CENPE: variants seen among roughly 807,000 people sequenced by gnomAD.
The protein encoded by CENPE is centromere protein E, also known as centromere-associated protein E.
Under a neutral mutation model 336.1 loss-of-function variants are expected in CENPE, and 145 were observed. The observed-to-expected ratio is 0.43, with a 90% CI of 0.38 to 0.50. The LOEUF is 0.50. Among genes scored for constraint, CENPE ranks in the 20% least tolerant of loss-of-function variants. CENPE has a pLI of 0.00. For missense variants in CENPE, 2,719 were observed against 3,023.3 expected (o/e 0.90, Z 2.36); for synonymous variants, 1,013 against 984.8 (o/e 1.03, Z -0.54).
At position 103,140,629 on chromosome 4, in the gene CENPE, C is replaced by T. The variant is rs565446771; in HGVS notation, c.5754+185G>A. Among the ~76,000 whole-genome samples the T allele has an allele frequency of 7.2e-5, 11 of 152,210 alleles. No individual in the cohort carries two copies. The South Asian group carries it at 2.3e-3, about 32-fold the overall frequency. Reference sequence around the variant, plus strand: ...ATACCACTTGGACATCTTTCTAAATCAATATCACAAAAAGAATACCCCATT... The same window carrying T: ...ATACCACTTGGACATCTTTCTAAATTAATATCACAAAAAGAATACCCCATT... On this transcript the variant is annotated intron_variant, in intron 36 of 48. Coordinates refer to ENST00000265148, the MANE Select transcript of CENPE (RefSeq NM_001813.3).
intron 8 of CENPE, among the ~76,000 whole-genome samples, chr4:103,188,255 A>G (rs1266222583): frequency 5.9e-5 from 9 of 152,100 alleles, no homozygotes; most frequent in Non-Finnish European, 1.3e-4. Context: ...AAGTTAACAA[A>G]GATATCCAGG....
At chr4:103,169,385 C>G (rs888008473) in intron 16 of CENPE, among the ~76,000 whole-genome samples, 7 of 152,054 alleles carry the variant, frequency 4.6e-5, no homozygotes, top group Admixed American at 3.3e-4. Flanking sequence ...AGAAAATTCC[C>G]AAACCTGAAG....
intron 16 of CENPE, among the ~76,000 whole-genome samples, chr4:103,171,292 A>G (rs1292044158): frequency 6.6e-6 from 1 of 152,166 alleles, no homozygotes; most frequent in African/African-American, 2.4e-5. Flanking sequence ...ACAGTCTTAA[A>G]AAATTTAAAA....
At chr4:103,177,445 G>T (rs1755966305) in intron 13 of CENPE, among the ~76,000 whole-genome samples, 2 of 151,678 alleles carry the variant, frequency 1.3e-5, no homozygotes, top group South Asian at 2.1e-4. Flanking sequence ...CTCTTTACTG[G>T]GTGCAAGTAT....
chr4:103,181,513 A>G (rs900458643), intron 11 of CENPE, 57 bp from the exon 12 acceptor site: 3 of 1,407,302 alleles, frequency 2.1e-6, no homozygotes, highest in East Asian at 5.4e-5. Context: ...TTCGAATTTA[A>G]TTAATAATAT....
At chr4:103,174,320 T>C (rs1755671169) in intron 16 of CENPE, among the ~76,000 whole-genome samples, 1 of 151,982 alleles carries the variant, frequency 6.6e-6, no homozygotes, top group East Asian at 1.9e-4. Flanking sequence ...CAAAGTATAA[T>C]GGTGGTTATT....
chr4:103,193,237 T>C (rs4699051), intron 8 of CENPE, among the ~76,000 whole-genome samples: 67,012 of 151,776 alleles, frequency 0.44, 15,392 homozygotes, highest in African/African-American at 0.58. Context: ...TAAAATTATA[T>C]GAAATATCAC....
At chr4:103,129,836 C>T (rs1032740058) in intron 42 of CENPE, among the ~76,000 whole-genome samples, 2 of 152,002 alleles carry the variant, frequency 1.3e-5, no homozygotes, top group Non-Finnish European at 2.9e-5. Flanking sequence ...TATACATGAC[C>T]AAATGGGATT....
chr4:103,120,450 C>T, intron 43 of CENPE, 117 bp from the exon 44 acceptor site: 1 of 805,712 alleles, frequency 1.2e-6, no homozygotes, highest in Non-Finnish European at 1.9e-6. Context: ...ATTGTATTAA[C>T]AATGGATAGA....
intron 33 of CENPE, 28 bp downstream of exon 33, chr4:103,144,303 C>A: frequency 6.4e-7 from 1 of 1,552,284 alleles, no homozygotes; most frequent in South Asian, 1.2e-5. Flanking sequence ...GTCATAGTTA[C>A]TAGAGGTGTA....
At chr4:103,152,397 A>G (rs1753636906) in intron 25 of CENPE, among the ~76,000 whole-genome samples, 1 of 152,210 alleles carries the variant, frequency 6.6e-6, no homozygotes, top group South Asian at 2.1e-4. Flanking sequence ...TGTTTGAGCC[A>G]CCAGAATTCT....
chr4:103,134,773 G>A (rs917749843), intron 40 of CENPE, among the ~76,000 whole-genome samples: 6 of 152,150 alleles, frequency 3.9e-5, no homozygotes, highest in African/African-American at 2.4e-5. Context: ...AGGATTTGTG[G>A]AAGAATTACC....
intron 16 of CENPE, among the ~76,000 whole-genome samples, 172 bp from the exon 17 acceptor site, chr4:103,163,725 A>G (rs774567757): frequency 6.6e-6 from 1 of 151,944 alleles, no homozygotes; most frequent in Non-Finnish European, 1.5e-5. Flanking sequence ...AAAGCACCTC[A>G]TTATTTAAAA....
rs375426954 is a variant in CENPE at position 103,196,193 on chromosome 4, T to C, written c.208A>G (p.Ile70Val). Residue 70 changes from isoleucine (I) to valine (V), a missense_variant, in exon 3 of 49, where the codon ATC (isoleucine) becomes GTC (valine). Coordinates refer to ENST00000265148, the MANE Select transcript of CENPE (RefSeq NM_001813.3). ...TAGCCTTGTATGGCAGAATCGATGA[T>C]TGGTGCTGCTATTTCTTCATACACA... The part of the protein sequence containing the change: ...KNVYEEIAAP[I>V]IDSAIQGYNG... 42 of 1,613,844 alleles carry C rather than the reference T, an allele frequency of 2.6e-5. No individual in the cohort carries two copies. The highest frequency in any genetic ancestry group is 2.2e-5 in the East Asian group (1 of 44,878).
At chr4:103,184,466 T>A (rs1756586316) in intron 9 of CENPE, among the ~76,000 whole-genome samples, 1 of 152,228 alleles carries the variant, frequency 6.6e-6, no homozygotes, top group Non-Finnish European at 1.5e-5. Flanking sequence ...GTAAGTTGAC[T>A]TCCAACAATT....
chr4:103,165,398 AT>A (rs1378825487), intron 16 of CENPE, among the ~76,000 whole-genome samples: 2 of 152,172 alleles, frequency 1.3e-5, no homozygotes, highest in Non-Finnish European at 2.9e-5. Context: ...AAAACATACT[AT>A]TTAAGCATCT....
intron 46 of CENPE, among the ~76,000 whole-genome samples, chr4:103,113,501 TTA>T (rs913988295): frequency 7.1e-6 from 1 of 140,822 alleles, no homozygotes; most frequent in Non-Finnish European, 1.5e-5. Flanking sequence ...TATGTTATAC[TTA>T]TATATATTAT....
intron 9 of CENPE, among the ~76,000 whole-genome samples, chr4:103,184,314 A>T (rs996096584): frequency 1.3e-5 from 2 of 152,216 alleles, no homozygotes; most frequent in Non-Finnish European, 2.9e-5. Flanking sequence ...CAGCTCTTCT[A>T]ATGGCAAGAG....
intron 8 of CENPE, among the ~76,000 whole-genome samples, chr4:103,193,300 T>C (rs1225673458): frequency 6.6e-6 from 1 of 152,140 alleles, no homozygotes; most frequent in Admixed American, 6.6e-5. Context: ...TATTGTTAAA[T>C]TAAAACAAGA....
Sources: gnomAD v4.1 joint callset for allele counts (sites outside exome capture counted in the v4.1 genomes callset) on GRCh38, gnomAD v4.1.1 for gene constraint, MANE v1.5 for transcripts, NCBI Gene and HGNC (gene_info 2026-07-23, HGNC 2026-07-21) for gene names.